Variants in GRK4 observed in about 807,000 individuals in gnomAD.
GRK4 encodes G protein-coupled receptor kinase 4, also known as G protein-coupled receptor kinase 2-like.
In GRK4, 73 loss-of-function variants were observed where a neutral mutation model predicts 77.9. The observed-to-expected ratio is 0.94, with a 90% CI of 0.78 to 1.14. The LOEUF (loss-of-function observed/expected upper bound fraction) is 1.14, where lower values mean the gene tolerates loss of function less well. Among genes scored for constraint, GRK4 ranks in the 50% most tolerant of loss-of-function variants. The pLI is 0.00. For synonymous variants in GRK4, 257 were observed against 254.4 expected (o/e 1.01, Z -0.10); for missense variants, 729 against 700.2 (o/e 1.04, Z -0.46).
At chr4:2,965,300 C>T in intron 1 of GRK4, 1 of 703,072 alleles carries the variant, frequency 1.4e-6, no homozygotes. Context: ...GGGAGACCCC[C>T]ACAATCCTCT....
intron 9 of GRK4, 82 bp from the exon 10 acceptor site, chr4:3,022,332 A>G (rs1736313665): frequency 7.3e-7 from 1 of 1,377,124 alleles, no homozygotes; most frequent in Non-Finnish European, 1.0e-6. Flanking sequence ...GCCCTTGCTC[A>G]CGCTGGTTGT....
At chr4:3,004,793 GT>G (rs1298956099) in intron 5 of GRK4, among the ~76,000 whole-genome samples, 1 of 152,114 alleles carries the variant, frequency 6.6e-6, no homozygotes, top group Non-Finnish European at 1.5e-5. Context: ...GGAGGAGCTG[GT>G]CTTGCTGTCT....
intron 4 of GRK4, among the ~76,000 whole-genome samples, chr4:3,001,369 A>T (rs200139327): frequency 0.044 from 3,416 of 76,842 alleles, 84 homozygotes; most frequent in East Asian, 0.072. Flanking sequence ...ATATATATAT[A>T]TTTTTTTTTT....
chr4:2,980,085 C>CA (rs765208472), intron 1 of GRK4, among the ~76,000 whole-genome samples: 4 of 152,230 alleles, frequency 2.6e-5, no homozygotes, highest in Non-Finnish European at 5.9e-5. Context: ...TTGGGTCTGA[C>CA]AAGAGTGCTT....
rs768950361 is a variant in GRK4, at chr4:2,963,967, T to G, written c.-104T>G. Reference sequence around the variant, plus strand: ...TCGTGTCCGGAGCTCGAGGAGAGGGTGGTGCCCGGCGAGCTATGCACGGGG... The same window carrying G: ...TCGTGTCCGGAGCTCGAGGAGAGGGGGGTGCCCGGCGAGCTATGCACGGGG... On this transcript the variant is annotated 5_prime_UTR_variant, in exon 1 of 16. Transcript: ENST00000398052. 1 of 1,009,426 alleles carries G rather than the reference T, an allele frequency of 9.9e-7. No homozygotes were observed. The highest frequency in any genetic ancestry group is 2.0e-5 in the Admixed American group (1 of 49,774). The allele number at this position is 1,009,426 out of a possible 1,614,324, so 62.5% of individuals were successfully genotyped here.
At chr4:2,967,697 C>T (rs553548375) in intron 1 of GRK4, among the ~76,000 whole-genome samples, 2 of 152,104 alleles carry the variant, frequency 1.3e-5, no homozygotes, top group Non-Finnish European at 2.9e-5. Flanking sequence ...CTGCACCCGG[C>T]CCGTATTGGG....
chr4:2,997,512 G>A (rs1011829741), intron 4 of GRK4, among the ~76,000 whole-genome samples: 1 of 152,054 alleles, frequency 6.6e-6, no homozygotes, highest in African/African-American at 2.4e-5. Context: ...AGGGACCAAC[G>A]TTCAAATGAT....
At chr4:2,994,593 G>A (rs1442651380) in intron 4 of GRK4, among the ~76,000 whole-genome samples, 1 of 151,830 alleles carries the variant, frequency 6.6e-6, no homozygotes, top group Non-Finnish European at 1.5e-5. Flanking sequence ...TATAGCAAGG[G>A]AGGGCATCAA....
At chr4:2,999,880 A>C (rs112847599) in intron 4 of GRK4, among the ~76,000 whole-genome samples, 1 of 152,210 alleles carries the variant, frequency 6.6e-6, no homozygotes, top group East Asian at 1.9e-4. Context: ...TAAATCAAAT[A>C]CTGGTAAGGG....
At chr4:2,989,915 G>C (rs1457246563) in intron 3 of GRK4, among the ~76,000 whole-genome samples, 1 of 152,078 alleles carries the variant, frequency 6.6e-6, no homozygotes, top group East Asian at 1.9e-4. Flanking sequence ...ATAGAAAATT[G>C]GTGGAATTTA....
chr4:3,024,409 T>C (rs1423848679), intron 10 of GRK4, among the ~76,000 whole-genome samples: 1 of 152,178 alleles, frequency 6.6e-6, no homozygotes, highest in Non-Finnish European at 1.5e-5. Flanking sequence ...GTTTCAGGCA[T>C]GCACCACCAC....
chr4:3,004,220 A>C lies in GRK4; in HGVS notation c.340-11A>C. The C allele has an allele frequency of 6.4e-7, 1 of 1,571,726 alleles. No homozygotes were observed. The highest frequency in any genetic ancestry group is 8.8e-7 in the Non-Finnish European group (1 of 1,141,584). On this transcript the variant is annotated splice_polypyrimidine_tract_variant and intron_variant, in intron 4 of 15. Transcript: ENST00000398052. The stretch of plus-strand genomic sequence containing the variant: ...ACTAATGGTTATGTATTTGGTTTGT[A>C]CTGTATTAAGTTGGCAGCCCCTTTA...
At position 2,997,701 on chromosome 4, in the gene GRK4, A is replaced by G. The variant is rs12642743; in HGVS notation, c.339+5409A>G. Among the ~76,000 whole-genome samples, 117 of 152,120 alleles carry G rather than the reference A, an allele frequency of 7.7e-4. 1 individual carries two copies. The East Asian group carries it at 0.02, about 26-fold the overall frequency. ...GAGGTGGGCAGATCATGAGGTCAGGAGTTTGAGGCCAGCCTGGCCAGCATG... is the reference window on the plus strand; with the variant it reads ...GAGGTGGGCAGATCATGAGGTCAGGGGTTTGAGGCCAGCCTGGCCAGCATG... On this transcript the variant is annotated intron_variant, in intron 4 of 15. Transcript: ENST00000398052.
At position 3,009,113 on chromosome 4, in the gene GRK4, C is replaced by T. The variant is rs549849997; in HGVS notation, c.537-535C>T. ...AATTAGACTGTTCTGCCTTTTGCTT[C>T]AGTGTCTTAAATATTAATTAAGATT... On this transcript the variant is annotated intron_variant, in intron 6 of 15. Coordinates refer to ENST00000398052, the MANE Select transcript of GRK4 (RefSeq NM_182982.3). Among the ~76,000 whole-genome samples the T allele has an allele frequency of 6.6e-5, 10 of 152,168 alleles. No individual in the cohort carries two copies. The South Asian group carries it at 1.0e-3, about 16-fold the overall frequency.
intron 12 of GRK4, among the ~76,000 whole-genome samples, chr4:3,030,632 G>A (rs1416669460): frequency 6.6e-6 from 1 of 151,968 alleles, no homozygotes; most frequent in African/African-American, 2.4e-5. Flanking sequence ...CTGGAGGGGC[G>A]GCAGGCTCTA....
At chr4:3,020,469 A>G (rs1293495648) in intron 9 of GRK4, among the ~76,000 whole-genome samples, 1 of 152,222 alleles carries the variant, frequency 6.6e-6, no homozygotes, top group Admixed American at 6.5e-5. Flanking sequence ...CCTGCCATAT[A>G]ACATAACAAT....
intron 1 of GRK4, among the ~76,000 whole-genome samples, chr4:2,971,762 C>T (rs570207914): frequency 2.6e-5 from 4 of 152,278 alleles, no homozygotes; most frequent in South Asian, 4.1e-4. Flanking sequence ...AAGAATCTGT[C>T]GCAGGCCTCT....
chr4:3,009,071 C>A (rs1732134005), intron 6 of GRK4, among the ~76,000 whole-genome samples: 2 of 152,110 alleles, frequency 1.3e-5, no homozygotes, highest in African/African-American at 4.8e-5. Context: ...TCAGACCTAT[C>A]TTTAGTTAGT....
chr4:2,964,237 GC>G, intron 1 of GRK4, 115 bp downstream of exon 1: 2 of 916,652 alleles, frequency 2.2e-6, no homozygotes, highest in Non-Finnish European at 3.3e-6. Context: ...TCCCTGGAGA[GC>G]CCCGACACCT....
Sources: gnomAD v4.1 joint callset for allele counts (sites outside exome capture counted in the v4.1 genomes callset) on GRCh38, gnomAD v4.1.1 for gene constraint, MANE v1.5 for transcripts, NCBI Gene and HGNC (gene_info 2026-07-23, HGNC 2026-07-21) for gene names.